The following KCNB2 variants were observed in gnomAD, a reference collection of about 807,000 sequenced individuals.
KCNB2 encodes potassium voltage-gated channel subfamily B member 2.
Under a neutral mutation model 61.5 loss-of-function variants are expected in KCNB2, and 15 were observed. The observed-to-expected ratio is 0.24, with a 90% CI of 0.16 to 0.38. The LOEUF (loss-of-function observed/expected upper bound fraction) is 0.38, where lower values mean the gene tolerates loss of function less well. KCNB2 is among the 10% of genes least tolerant of loss of function. The pLI, the probability that KCNB2 is intolerant of heterozygous loss-of-function variation, is 1.00. For missense variants in KCNB2, 828 were observed against 1,125.2 expected (o/e 0.74, Z 3.78); for synonymous variants, 457 against 446.0 (o/e 1.02, Z -0.31).
At chr8:72,592,931 G>C (rs1807124733) in intron 2 of KCNB2, among the ~76,000 whole-genome samples, 2 of 152,046 alleles carry the variant, frequency 1.3e-5, no homozygotes, top group Non-Finnish European at 2.9e-5. Flanking sequence ...AATGCAAGTT[G>C]GTCTGGTGTA....
intron 1 of KCNB2, among the ~76,000 whole-genome samples, chr8:72,540,021 C>T (rs1312248462): frequency 6.6e-6 from 1 of 152,132 alleles, no homozygotes; most frequent in African/African-American, 2.4e-5. Context: ...GTTTTATATA[C>T]CTGCCTGCAT....
chr8:72,686,036 G>A (rs1806847789), intron 2 of KCNB2, among the ~76,000 whole-genome samples: 2 of 152,178 alleles, frequency 1.3e-5, no homozygotes, highest in Admixed American at 6.5e-5. Context: ...TGGCACCTGG[G>A]CACTTGTATG....
intron 2 of KCNB2, among the ~76,000 whole-genome samples, chr8:72,588,218 C>CTTTTTTTTTTTTTTTTTTTTTTTTTTTT (rs34803136): frequency 7.5e-6 from 1 of 132,842 alleles, no homozygotes; most frequent in Non-Finnish European, 1.6e-5. Flanking sequence ...GGTTTCTTTT[C>CTTTTTTTTTTTTTTTTTTTTTTTTTTTT]TTTTTTTTTT....
At chr8:72,806,642 C>T (rs940657395) in intron 2 of KCNB2, among the ~76,000 whole-genome samples, 4 of 151,782 alleles carry the variant, frequency 2.6e-5, no homozygotes, top group Admixed American at 6.6e-5. Context: ...ATAATTTAAT[C>T]AAAGATGTAA....
chr8:72,594,385 G>A (rs113753304), intron 2 of KCNB2, among the ~76,000 whole-genome samples: 10 of 152,164 alleles, frequency 6.6e-5, no homozygotes, highest in African/African-American at 2.4e-4. Context: ...TAAGATATAA[G>A]TCAAATATAT....
In KCNB2 at chr8:72,567,839, G is replaced by A. The variant is rs1246800945; in HGVS notation, c.105G>A (p.Arg35=). ...VDIIRSKTCS[R]RVKINVGGLN... is the part of the protein sequence containing the mutation. The stretch of plus-strand genomic sequence containing the variant: ...TTATCCGGAGCAAAACATGCTCCAG[G>A]AGAGTTAAGATCAATGTGGGGGGCC... Residue 35 remains arginine (R), a synonymous_variant, in exon 2 of 3, where the codon AGG becomes AGA. Transcript: ENST00000523207. 2 of 1,614,070 alleles carry A rather than the reference G, an allele frequency of 1.2e-6. No homozygotes were observed. The highest frequency in any genetic ancestry group is 1.7e-6 in the Non-Finnish European group (2 of 1,180,012).
intron 1 of KCNB2, among the ~76,000 whole-genome samples, chr8:72,549,880 T>G (rs1006477013): frequency 6.6e-6 from 1 of 152,196 alleles, no homozygotes; most frequent in Non-Finnish European, 1.5e-5. Context: ...ATGGTAATTA[T>G]AGCATAGACA....
intron 2 of KCNB2, among the ~76,000 whole-genome samples, chr8:72,616,389 T>C (rs1193582147): frequency 2.0e-5 from 3 of 152,240 alleles, no homozygotes; most frequent in Non-Finnish European, 4.4e-5. Flanking sequence ...TGTTAAGAGT[T>C]AATCTTACCA....
intron 2 of KCNB2, among the ~76,000 whole-genome samples, chr8:72,686,627 C>T (rs919283467): frequency 6.6e-6 from 1 of 152,256 alleles, no homozygotes; most frequent in Non-Finnish European, 1.5e-5. Flanking sequence ...AGTAAGCAAC[C>T]TGAAAACAAC....
chr8:72,568,345 G>A lies in KCNB2; in HGVS notation c.579+32G>A, dbSNP rs777467308. 2.6e-6 allele frequency: 4 copies of A among 1,555,016 alleles called. No homozygotes were observed. In the Admixed American group the frequency reaches 5.8e-5, roughly 22 times the overall value. On this transcript the variant is annotated intron_variant, in intron 2 of 2. Coordinates refer to ENST00000523207, the MANE Select transcript of KCNB2 (RefSeq NM_004770.3). The stretch of plus-strand genomic sequence containing the variant: ...AACCCATAGTATTGCTTGCCTGTGT[G>A]TGGTCAGAAAAGATGCTACCTACGT...
intron 2 of KCNB2, among the ~76,000 whole-genome samples, chr8:72,699,433 A>G (rs1319562437): frequency 9.4e-6 from 1 of 106,234 alleles, no homozygotes; most frequent in Admixed American, 9.0e-5. Context: ...CCACTTTTTG[A>G]TGGGGTTGTT....
intron 2 of KCNB2, among the ~76,000 whole-genome samples, chr8:72,753,138 G>A (rs576972630): frequency 6.6e-6 from 1 of 152,244 alleles, no homozygotes; most frequent in Non-Finnish European, 1.5e-5. Context: ...TAGCAAACCT[G>A]GATCTTTGAA....
At chr8:72,710,422 A>C (rs528484230) in intron 2 of KCNB2, among the ~76,000 whole-genome samples, 20 of 152,338 alleles carry the variant, frequency 1.3e-4, no homozygotes, top group African/African-American at 4.8e-4. Context: ...CACCAATTAG[A>C]GCCAAAAATG....
intron 2 of KCNB2, among the ~76,000 whole-genome samples, chr8:72,734,609 C>T (rs1158707192): frequency 2.0e-5 from 3 of 152,134 alleles, no homozygotes; most frequent in African/African-American, 7.2e-5. Flanking sequence ...CTCTGGTAAC[C>T]ATGAATGAAT....
At chr8:72,791,354 G>T (rs925909478) in intron 2 of KCNB2, among the ~76,000 whole-genome samples, 1 of 151,966 alleles carries the variant, frequency 6.6e-6, no homozygotes, top group East Asian at 1.9e-4. Flanking sequence ...GTTTGAGACC[G>T]GCCTGAGCAA....
At chr8:72,793,555 G>C (rs1808979600) in intron 2 of KCNB2, among the ~76,000 whole-genome samples, 1 of 152,066 alleles carries the variant, frequency 6.6e-6, no homozygotes, top group Non-Finnish European at 1.5e-5. Context: ...TGTTTCTATA[G>C]TAACTCTGAC....
rs186355183 is a variant in KCNB2, at chr8:72,907,296, G to T, written c.580-28639G>T. On this transcript the variant is annotated intron_variant, in intron 2 of 2. Coordinates refer to ENST00000523207, the MANE Select transcript of KCNB2 (RefSeq NM_004770.3). ...CACTTGAACCCAGGAAGCAGATGTT[G>T]CAGTGAGCCAAGATCATGCCACTGC... 1.4e-4 allele frequency among the ~76,000 whole-genome samples: 22 copies of T among 152,202 alleles called. No individual in the cohort carries two copies. In the East Asian group the frequency reaches 2.3e-3, roughly 16 times the overall value.
At chr8:72,929,296 C>A (rs1433893057) in intron 2 of KCNB2, among the ~76,000 whole-genome samples, 1 of 152,182 alleles carries the variant, frequency 6.6e-6, no homozygotes, top group Non-Finnish European at 1.5e-5. Context: ...TGCTTTACTT[C>A]CTCCCACAAA....
At chr8:72,796,775 A>G (rs1809037692) in intron 2 of KCNB2, among the ~76,000 whole-genome samples, 2 of 152,204 alleles carry the variant, frequency 1.3e-5, no homozygotes, top group South Asian at 4.1e-4. Context: ...TTTCGATCTT[A>G]TAGTAGCTAA....
Sources: allele counts gnomAD v4.1 joint callset (sites outside exome capture counted in the v4.1 genomes callset), GRCh38; gene constraint gnomAD v4.1.1; transcripts MANE v1.5; gene names NCBI Gene and HGNC (gene_info 2026-07-23, HGNC 2026-07-21).